RBFOX1: variants seen among roughly 807,000 people sequenced by gnomAD.
RBFOX1 encodes RNA binding protein fox-1 homolog 1.
In RBFOX1, 8 loss-of-function variants were observed where a neutral mutation model predicts 57.7. The ratio of observed to expected loss-of-function variants is 0.14; its 90% confidence interval spans 0.08 to 0.25. RBFOX1 has a LOEUF of 0.25. RBFOX1 is among the 10% of genes least tolerant of loss of function. RBFOX1 has a pLI of 1.00. For missense variants in RBFOX1, 611 were observed against 548.5 expected, an observed-to-expected ratio of 1.11 and a Z score of -1.14; for synonymous variants, 326 against 222.4, an observed-to-expected ratio of 1.47 and a Z score of -4.15.
At chr16:6,559,986 C>T (rs1242092336) in intron 2 of RBFOX1, among the ~76,000 whole-genome samples, 1 of 152,062 alleles carries the variant, frequency 6.6e-6, no homozygotes, top group African/African-American at 2.4e-5. Flanking sequence ...TTGTCACAGG[C>T]CATTGTTCTT....
chr16:5,425,926 C>A (rs1248320662), intron 1 of RBFOX1, among the ~76,000 whole-genome samples: 2 of 152,096 alleles, frequency 1.3e-5, no homozygotes, highest in Non-Finnish European at 2.9e-5. Flanking sequence ...TTCATAGGCC[C>A]CAGTGCAAAC....
At chr16:6,455,699 C>G (rs1178831853) in intron 2 of RBFOX1, among the ~76,000 whole-genome samples, 1 of 152,146 alleles carries the variant, frequency 6.6e-6, no homozygotes, top group Non-Finnish European at 1.5e-5. Flanking sequence ...TTAATGGTCT[C>G]CTACACTTCA....
chr16:6,615,860 C>T (rs1449577460), intron 2 of RBFOX1, among the ~76,000 whole-genome samples: 1 of 152,206 alleles, frequency 6.6e-6, no homozygotes, highest in East Asian at 1.9e-4. Flanking sequence ...GCACGTGGAA[C>T]TGCGTTTCCT....
At chr16:6,731,285 A>G (rs969367524) in intron 3 of RBFOX1, among the ~76,000 whole-genome samples, 1 of 152,166 alleles carries the variant, frequency 6.6e-6, no homozygotes, top group Admixed American at 6.5e-5. Flanking sequence ...CTGCACAACT[A>G]AAAAGGACAC....
intron 2 of RBFOX1, among the ~76,000 whole-genome samples, chr16:5,521,563 C>T (rs755504495): frequency 1.3e-5 from 2 of 152,120 alleles, no homozygotes; most frequent in African/African-American, 2.4e-5. Context: ...CCATGATTGG[C>T]CTCTGCAGAT....
intron 4 of RBFOX1, among the ~76,000 whole-genome samples, chr16:5,904,658 T>C (rs972211640): frequency 2.0e-5 from 3 of 152,050 alleles, no homozygotes; most frequent in Admixed American, 1.3e-4. Flanking sequence ...AGAATGTGAC[T>C]GCTTTTGAAG....
At chr16:7,294,564 G>C (rs368172805) in intron 4 of RBFOX1, among the ~76,000 whole-genome samples, 2 of 151,364 alleles carry the variant, frequency 1.3e-5, no homozygotes, top group South Asian at 2.1e-4. Flanking sequence ...ATTTTCTTTT[G>C]AAAAGCTTAG....
At chr16:6,828,902 C>A (rs1290494767) in intron 3 of RBFOX1, among the ~76,000 whole-genome samples, 1 of 152,072 alleles carries the variant, frequency 6.6e-6, no homozygotes, top group Non-Finnish European at 1.5e-5. Flanking sequence ...AGGTAGCAGC[C>A]CCAAATCCCC....
At chr16:6,968,803 A>G (rs1286592935) in intron 3 of RBFOX1, among the ~76,000 whole-genome samples, 1 of 151,414 alleles carries the variant, frequency 6.6e-6, no homozygotes, top group Non-Finnish European at 1.5e-5. Context: ...CTCAGAATGT[A>G]TTAATCCAGG....
intron 2 of RBFOX1, among the ~76,000 whole-genome samples, chr16:6,375,066 A>T (rs147212458): frequency 6.6e-6 from 1 of 152,190 alleles, no homozygotes; most frequent in East Asian, 1.9e-4. Context: ...GCCAGGTCCA[A>T]CTTTAAAACG....
chr16:7,700,993 A>C (rs1330960411), intron 14 of RBFOX1, among the ~76,000 whole-genome samples: 1 of 152,112 alleles, frequency 6.6e-6, no homozygotes, highest in East Asian at 1.9e-4. Flanking sequence ...TCCATGGGCA[A>C]AAAAAAGCAA....
At chr16:7,485,076 T>A (rs76874705) in intron 4 of RBFOX1, among the ~76,000 whole-genome samples, 16 of 139,724 alleles carry the variant, frequency 1.1e-4, no homozygotes, top group Middle Eastern at 3.8e-3. Flanking sequence ...TTTTTTTTTT[T>A]AATAACAGAG....
chr16:6,085,421 C>T (rs1475873805), intron 1 of RBFOX1, among the ~76,000 whole-genome samples: 2 of 152,136 alleles, frequency 1.3e-5, no homozygotes, highest in East Asian at 1.9e-4. Flanking sequence ...TACAGGTATG[C>T]GCCGCTATGC....
chr16:6,288,052 T>A (rs535846947), intron 1 of RBFOX1, among the ~76,000 whole-genome samples: 25 of 152,332 alleles, frequency 1.6e-4, no homozygotes, highest in African/African-American at 5.5e-4. Flanking sequence ...TCTGCTAACA[T>A]GGCTCACATG....
At chr16:5,574,391 G>C (rs1261100700) in intron 2 of RBFOX1, among the ~76,000 whole-genome samples, 28 of 149,810 alleles carry the variant, frequency 1.9e-4, no homozygotes, top group Non-Finnish European at 4.4e-5. Flanking sequence ...AACTGCTTTT[G>C]TTTTATAAAT....
At chr16:7,508,633 G>T (rs958752371) in intron 4 of RBFOX1, among the ~76,000 whole-genome samples, 1 of 152,112 alleles carries the variant, frequency 6.6e-6, no homozygotes, top group Non-Finnish European at 1.5e-5. Flanking sequence ...GTAAGGACGG[G>T]CACAAATACT....
intron 2 of RBFOX1, among the ~76,000 whole-genome samples, chr16:6,381,572 G>A (rs75353188): frequency 6.6e-6 from 1 of 152,126 alleles, no homozygotes; most frequent in Non-Finnish European, 1.5e-5. Flanking sequence ...GCAGGTTTGG[G>A]GTTCTTTTCC....
intron 2 of RBFOX1, among the ~76,000 whole-genome samples, chr16:6,523,679 A>AT (rs1167307106): frequency 6.6e-6 from 1 of 152,038 alleles, no homozygotes; most frequent in Non-Finnish European, 1.5e-5. Flanking sequence ...AATGTCATGA[A>AT]TTGTTCAAAT....
intron 2 of RBFOX1, among the ~76,000 whole-genome samples, chr16:6,406,293 C>T (rs1164443522): frequency 2.0e-5 from 3 of 151,968 alleles, no homozygotes; most frequent in African/African-American, 7.2e-5. Context: ...CATGAACTTC[C>T]ACCGCAGTGG....
Sources: allele counts gnomAD v4.1 joint callset (sites outside exome capture counted in the v4.1 genomes callset), GRCh38; gene constraint gnomAD v4.1.1; transcripts MANE v1.5; gene names NCBI Gene and HGNC (gene_info 2026-07-23, HGNC 2026-07-21).